KCNT2: variants seen among roughly 807,000 people sequenced by gnomAD.
The protein encoded by KCNT2 is potassium channel subfamily T member 2.
Under a neutral mutation model 153.8 loss-of-function variants are expected in KCNT2, and 67 were observed. The ratio of observed to expected loss-of-function variants is 0.44; its 90% CI spans 0.36 to 0.53. The LOEUF (loss-of-function observed/expected upper bound fraction) is 0.53, where lower values mean the gene tolerates loss of function less well. Ranked by LOEUF, KCNT2 falls within the 20% of genes least tolerant of loss-of-function variation. The pLI, the probability that KCNT2 is intolerant of heterozygous loss-of-function variation, is 0.00. For missense variants in KCNT2, 975 were observed against 1,354.8 expected, an observed-to-expected ratio of 0.72 and a Z score of 4.40; for synonymous variants, 500 against 458.8, an observed-to-expected ratio of 1.09 and a Z score of -1.15.
intron 18 of KCNT2, among the ~76,000 whole-genome samples, chr1:196,329,875 T>TTA (rs1387240934): frequency 8.1e-6 from 1 of 122,974 alleles, no homozygotes; most frequent in Non-Finnish European, 1.6e-5. Flanking sequence ...ATATATACAC[T>TTA]TATATGTGTG....
At chr1:196,415,513 A>AATAT (rs150510696) in intron 12 of KCNT2, among the ~76,000 whole-genome samples, 6 of 150,054 alleles carry the variant, frequency 4.0e-5, no homozygotes, top group African/African-American at 1.5e-4. Flanking sequence ...CCTATATATA[A>AATAT]ATATATATAT....
Position 196,340,423 on chromosome 1 carries a change from G to C in KCNT2, c.1701C>G (p.Asp567Glu), listed in dbSNP as rs985150462. 2 of 1,612,608 alleles carry C rather than the reference G, an allele frequency of 1.2e-6. No individual in the cohort carries two copies. Among genetic ancestry groups the C allele is most frequent in the African/African-American group, 2.7e-5 (2 of 74,794 alleles). ...TGGACACATTGCTTTTTCTCTGCTG[G>C]TCTTGGTTTTTAAATGCTGAATTCT... ...KEENSAFKNQ[D>E]QQRKSNVSRS... is the part of the protein sequence containing the mutation. Residue 567 changes from aspartate to glutamate, a missense_variant, in exon 16 of 28, where the codon GAC (aspartate) becomes GAG (glutamate). This residue lies in a region of KCNT2 where 325 missense variants were observed against 388.1 expected (regional missense o/e 0.84). Coordinates refer to ENST00000294725, the MANE Select transcript of KCNT2 (RefSeq NM_198503.5).
intron 12 of KCNT2, among the ~76,000 whole-genome samples, chr1:196,419,178 A>T (rs1443627830): frequency 6.6e-6 from 1 of 150,402 alleles, no homozygotes. Flanking sequence ...TTTTTTATTT[A>T]TTTTATTATT....
intron 1 of KCNT2, 70 bp downstream of exon 1, chr1:196,608,145 A>T (rs1485915310): frequency 7.2e-7 from 1 of 1,386,308 alleles, no homozygotes; most frequent in African/African-American, 1.4e-5. Context: ...TCCTTTCCCC[A>T]CTTCGGCCCT....
chr1:196,496,102 T>C (rs1680229657), intron 1 of KCNT2, among the ~76,000 whole-genome samples: 1 of 152,154 alleles, frequency 6.6e-6, no homozygotes, highest in Non-Finnish European at 1.5e-5. Flanking sequence ...CAGACAGTTA[T>C]GGACATGTTC....
intron 13 of KCNT2, among the ~76,000 whole-genome samples, chr1:196,379,295 G>T (rs113176561): frequency 1.3e-5 from 2 of 152,120 alleles, no homozygotes; most frequent in African/African-American, 4.8e-5. Context: ...ATGTGGCAGG[G>T]TGTGGTGGTT....
At chr1:196,409,365 C>G (rs1394109650) in intron 12 of KCNT2, among the ~76,000 whole-genome samples, 1 of 151,392 alleles carries the variant, frequency 6.6e-6, no homozygotes, top group Non-Finnish European at 1.5e-5. Context: ...CATACACCAG[C>G]ATTTATTACA....
chr1:196,605,306 G>A (rs1572958625), intron 1 of KCNT2, among the ~76,000 whole-genome samples: 1 of 152,162 alleles, frequency 6.6e-6, no homozygotes. Flanking sequence ...GGGGAGAAGA[G>A]AGACAGAAGC....
At chr1:196,491,022 T>C (rs1679818376) in intron 2 of KCNT2, among the ~76,000 whole-genome samples, 2 of 152,072 alleles carry the variant, frequency 1.3e-5, no homozygotes, top group Non-Finnish European at 2.9e-5. Flanking sequence ...GAATACATTT[T>C]ATGGGTTCAC....
chr1:196,539,231 A>T (rs1656012009), intron 1 of KCNT2, among the ~76,000 whole-genome samples: 2 of 152,198 alleles, frequency 1.3e-5, no homozygotes, highest in Admixed American at 1.3e-4. Context: ...TTTCTTTTGG[A>T]AAACAAAGCA....
At chr1:196,424,964 GA>G (rs201147327) in intron 11 of KCNT2, among the ~76,000 whole-genome samples, 48 of 145,172 alleles carry the variant, frequency 3.3e-4, no homozygotes, top group African/African-American at 7.6e-4. Context: ...ATCCAGGAAA[GA>G]AAAAAAAAAG....
chr1:196,452,827 G>A (rs892466414), intron 8 of KCNT2, among the ~76,000 whole-genome samples: 1 of 151,916 alleles, frequency 6.6e-6, no homozygotes, highest in Non-Finnish European at 1.5e-5. Context: ...GGAGGGTCTG[G>A]GGAGGGTGGG....
chr1:196,509,016 C>T (rs759810415), intron 1 of KCNT2, among the ~76,000 whole-genome samples: 4 of 152,076 alleles, frequency 2.6e-5, no homozygotes, highest in Non-Finnish European at 5.9e-5. Flanking sequence ...TGCCTGTAAT[C>T]CCAACATTTT....
intron 12 of KCNT2, among the ~76,000 whole-genome samples, chr1:196,417,568 G>C (rs901465731): frequency 6.6e-6 from 1 of 152,010 alleles, no homozygotes. Context: ...ACTATTTCCT[G>C]CTTTTCAATT....
intron 12 of KCNT2, among the ~76,000 whole-genome samples, chr1:196,403,964 C>A (rs888611924): frequency 4.0e-5 from 6 of 151,746 alleles, no homozygotes; most frequent in African/African-American, 1.4e-4. Flanking sequence ...GACTTGTAGA[C>A]CACTGGCTCC....
intron 25 of KCNT2, among the ~76,000 whole-genome samples, chr1:196,272,498 A>G (rs140772525): frequency 6.6e-6 from 1 of 151,840 alleles, no homozygotes; most frequent in African/African-American, 2.4e-5. Context: ...TTACCCAATA[A>G]ATATTTGTAA....
At chr1:196,350,673 A>C (rs185397391) in intron 14 of KCNT2, among the ~76,000 whole-genome samples, 1 of 152,170 alleles carries the variant, frequency 6.6e-6, no homozygotes, top group Admixed American at 6.5e-5. Context: ...CTCTGATGGT[A>C]ATTTCTTTTG....
intron 25 of KCNT2, among the ~76,000 whole-genome samples, chr1:196,272,615 C>T (rs1269207385): frequency 2.6e-5 from 4 of 151,854 alleles, no homozygotes; most frequent in Non-Finnish European, 5.9e-5. Context: ...GCTTTGCCAT[C>T]TATCAACATA....
intron 14 of KCNT2, among the ~76,000 whole-genome samples, chr1:196,370,555 C>CAAA (rs1572198489): frequency 5.4e-4 from 81 of 151,188 alleles, no homozygotes; most frequent in South Asian, 2.5e-3. Flanking sequence ...TAAAAAAAAG[C>CAAA]GCGGATAATT....
Sources: allele counts gnomAD v4.1 joint callset (sites outside exome capture counted in the v4.1 genomes callset), GRCh38; gene constraint gnomAD v4.1.1; regional missense constraint gnomAD v4.1.1; transcripts MANE v1.5; gene names NCBI Gene and HGNC (gene_info 2026-07-23, HGNC 2026-07-21).